TNR: variants seen among roughly 807,000 people sequenced by gnomAD.
TNR encodes the protein tenascin R, also known as tenascin-R.
A neutral mutation model predicts 150.4 loss-of-function variants in TNR; 45 were observed. The ratio of observed to expected loss-of-function variants is 0.30; its 90% CI spans 0.24 to 0.38. The LOEUF (loss-of-function observed/expected upper bound fraction) is 0.38, where lower values mean the gene tolerates loss of function less well. Among genes scored for constraint, TNR ranks in the 10% least tolerant of loss-of-function variants. The probability of loss-of-function intolerance (pLI) is 1.00; values close to 1 mark genes in which losing one functional copy is unlikely to be tolerated. For synonymous variants in TNR, 687 were observed against 678.4 expected (o/e 1.01, Z -0.20); for missense variants, 1,544 against 1,759.1 (o/e 0.88, Z 2.19).
intron 13 of TNR, 94 bp from the exon 14 acceptor site, chr1:175,362,903 T>C: frequency 1.4e-6 from 2 of 1,477,326 alleles, no homozygotes; most frequent in Non-Finnish European, 1.9e-6. Context: ...CAGATGGGTG[T>C]GGGACTCCGC....
intron 1 of TNR, among the ~76,000 whole-genome samples, chr1:175,740,588 C>CCT (rs1667900446): frequency 6.6e-6 from 1 of 152,146 alleles, no homozygotes; most frequent in African/African-American, 2.4e-5. Context: ...GTCTCCCCTA[C>CCT]ACAGTGAAGG....
At chr1:175,726,760 C>T (rs1173236324) in intron 1 of TNR, among the ~76,000 whole-genome samples, 2 of 152,122 alleles carry the variant, frequency 1.3e-5, no homozygotes, top group Non-Finnish European at 2.9e-5. Context: ...ATTGCAAAGA[C>T]TGAGTACTTT....
intron 1 of TNR, among the ~76,000 whole-genome samples, chr1:175,603,590 G>C (rs936390243): frequency 6.6e-6 from 1 of 152,218 alleles, no homozygotes; most frequent in East Asian, 1.9e-4. Context: ...GTGAGGAAGA[G>C]TGATGCTAGT....
chr1:175,514,199 C>T (rs115642727), intron 2 of TNR, among the ~76,000 whole-genome samples: 11 of 152,046 alleles, frequency 7.2e-5, no homozygotes, highest in Admixed American at 1.3e-4. Context: ...CACAAGGGTC[C>T]CTAAAAGTGG....
intron 2 of TNR, among the ~76,000 whole-genome samples, chr1:175,441,646 T>G (rs1655792438): frequency 6.6e-6 from 1 of 151,978 alleles, no homozygotes; most frequent in African/African-American, 2.4e-5. Context: ...TGTGTGTGTG[T>G]TGTGGGTGGG....
intron 15 of TNR, among the ~76,000 whole-genome samples, chr1:175,358,798 G>A (rs528067875): frequency 1.6e-4 from 24 of 152,330 alleles, no homozygotes; most frequent in Admixed American, 6.5e-4. Flanking sequence ...TCAAGATTTC[G>A]TGTTAGTTAA....
intron 1 of TNR, among the ~76,000 whole-genome samples, chr1:175,560,811 A>G (rs1661396864): frequency 6.6e-6 from 1 of 152,192 alleles, no homozygotes; most frequent in South Asian, 2.1e-4. Context: ...GTTTTTTAAA[A>G]TTCTGGCATA....
chr1:175,531,438 G>A (rs1001362198), intron 1 of TNR, among the ~76,000 whole-genome samples: 1 of 152,160 alleles, frequency 6.6e-6, no homozygotes, highest in African/African-American at 2.4e-5. Flanking sequence ...TGTGTCTCAA[G>A]GTAGTCATAT....
At chr1:175,345,370 C>T (rs1370851740) in intron 18 of TNR, among the ~76,000 whole-genome samples, 1 of 152,080 alleles carries the variant, frequency 6.6e-6, no homozygotes, top group African/African-American at 2.4e-5. Context: ...AAGAGTAAGA[C>T]TACTGTGAAA....
intron 1 of TNR, among the ~76,000 whole-genome samples, chr1:175,641,039 T>C (rs1664642221): frequency 6.6e-6 from 1 of 152,168 alleles, no homozygotes; most frequent in Non-Finnish European, 1.5e-5. Flanking sequence ...TTGTGACACA[T>C]ATTTATGTGT....
chr1:175,482,008 T>C (rs1340581391), intron 2 of TNR, among the ~76,000 whole-genome samples: 1 of 152,192 alleles, frequency 6.6e-6, no homozygotes, highest in African/African-American at 2.4e-5. Flanking sequence ...AACCACACCC[T>C]GCCTCGTGTT....
At chr1:175,640,368 G>T (rs80214560) in intron 1 of TNR, among the ~76,000 whole-genome samples, 3 of 152,150 alleles carry the variant, frequency 2.0e-5, no homozygotes, top group African/African-American at 7.2e-5. Context: ...GTATTTGGAC[G>T]TCTGTCTGGG....
intron 1 of TNR, among the ~76,000 whole-genome samples, chr1:175,636,799 G>A (rs1269183668): frequency 6.6e-6 from 1 of 152,166 alleles, no homozygotes; most frequent in East Asian, 1.9e-4. Flanking sequence ...GGTGGTTGTA[G>A]GTCCATGCTA....
intron 1 of TNR, among the ~76,000 whole-genome samples, chr1:175,640,148 T>C (rs1664609545): frequency 6.6e-6 from 1 of 152,244 alleles, no homozygotes; most frequent in Middle Eastern, 3.2e-3. Context: ...CAGAGATAGA[T>C]CTTTTTTAAG....
chr1:175,330,215 T>A lies in TNR; in HGVS notation c.3652A>T (p.Ile1218Phe). 6.2e-7 allele frequency: 1 copy of A among 1,604,844 alleles called. No individual in the cohort carries two copies. ...AGCTCATAGCGGCCCTGGGATGTGA[T>A]CCTGTGTATATTGTCCAGCCCTGTG... ...FWLGLDNIHR[I>F]TSQGRYELRV... The change falls in exon 21 of 23, where the codon ATC (isoleucine) becomes TTC (phenylalanine). Residue 1218 changes from isoleucine (I) to phenylalanine (F), a missense_variant. By Grantham distance (21) the Ile-to-Phe change is conservative. This residue lies in a region of TNR where 290 missense variants were observed against 429.7 expected (regional missense o/e 0.67). Transcript: ENST00000367674.
At chr1:175,420,221 C>A (rs184313438) in intron 2 of TNR, among the ~76,000 whole-genome samples, 91 of 152,318 alleles carry the variant, frequency 6.0e-4, no homozygotes, top group Middle Eastern at 3.4e-3. Flanking sequence ...CTGACCAACC[C>A]GTGGCTGTCC....
rs1285740622 is a variant in TNR, at chr1:175,495,855, C to T, written c.-64+32414G>A. On this transcript the variant is annotated intron_variant, in intron 2 of 22. Coordinates refer to ENST00000367674, the MANE Select transcript of TNR (RefSeq NM_003285.3). Reference sequence around the variant, plus strand: ...AGGCAGTCACAATAATCCTCGCACACTCAAACTGTATCTTTTCGAATTCAT... The same window carrying T: ...AGGCAGTCACAATAATCCTCGCACATTCAAACTGTATCTTTTCGAATTCAT... 3.3e-5 allele frequency among the ~76,000 whole-genome samples: 5 copies of T among 152,350 alleles called. No individual in the cohort carries two copies. The East Asian group carries it at 9.6e-4, about 29-fold the overall frequency.
At position 175,553,995 on chromosome 1, in the gene TNR, A is replaced by G. The variant is rs540718909; in HGVS notation, c.-164-25626T>C. On this transcript the variant is annotated intron_variant, in intron 1 of 22. Transcript: ENST00000367674. ...GCAGTGAGCTGAATGCTGATGAAAA[A>G]TGGCCACAAACAGGCCACCTTTCTT... is the stretch of plus-strand genomic sequence containing the variant. Among the ~76,000 whole-genome samples the G allele has an allele frequency of 1.0e-3, 157 of 152,322 alleles. 1 individual carries two copies. Among genetic ancestry groups the G allele is most frequent in the African/African-American group, 3.6e-3 (151 of 41,574 alleles).
At chr1:175,729,973 G>A (rs1208437221) in intron 1 of TNR, among the ~76,000 whole-genome samples, 1 of 152,190 alleles carries the variant, frequency 6.6e-6, no homozygotes, top group Non-Finnish European at 1.5e-5. Context: ...TCTGATGAAA[G>A]AGGCAACAAG....
Sources: allele counts gnomAD v4.1 joint callset (sites outside exome capture counted in the v4.1 genomes callset), GRCh38; gene constraint gnomAD v4.1.1; regional missense constraint gnomAD v4.1.1; transcripts MANE v1.5; gene names NCBI Gene and HGNC (gene_info 2026-07-23, HGNC 2026-07-21).